Variants in FBXL17 observed in about 807,000 individuals in gnomAD.
FBXL17 encodes the protein F-box and leucine rich repeat protein 17.
In FBXL17, 22 loss-of-function variants were observed where a neutral mutation model predicts 66.2. That is an observed-to-expected ratio of 0.33 (90% CI 0.24 to 0.47). The LOEUF (loss-of-function observed/expected upper bound fraction) is 0.47, where lower values mean the gene tolerates loss of function less well. Ranked by LOEUF, FBXL17 falls within the 20% of genes least tolerant of loss-of-function variation. FBXL17 has a pLI of 1.00. For synonymous variants in FBXL17, 474 were observed against 400.5 expected, an observed-to-expected ratio of 1.18 and a Z score of -2.19; for missense variants, 878 against 948.2, an observed-to-expected ratio of 0.93 and a Z score of 0.97.
At chr5:108,294,690 AAAGGT>A (rs1231218620) in intron 4 of FBXL17, among the ~76,000 whole-genome samples, 1 of 152,148 alleles carries the variant, frequency 6.6e-6, no homozygotes, top group East Asian at 1.9e-4. Flanking sequence ...CAAACTGCAT[AAAGGT>A]AAGTCTTTAC....
Position 108,335,733 on chromosome 5 carries a change from T to C in FBXL17, c.1506+12666A>G, listed in dbSNP as rs537876616. 2.8e-4 allele frequency among the ~76,000 whole-genome samples: 42 copies of C among 152,294 alleles called. No homozygotes were observed. The South Asian group carries it at 6.2e-3, about 23-fold the overall frequency. On this transcript the variant is annotated intron_variant, in intron 4 of 8. Coordinates refer to ENST00000542267, the MANE Select transcript of FBXL17 (RefSeq NM_001163315.3). ...CTGATCAGCAATTAGCATAATTATA[T>C]TCTTAAAAAAACCCTGTTTTTGACT...
chr5:107,873,761 A>G (rs1253441024), intron 8 of FBXL17, among the ~76,000 whole-genome samples: 1 of 152,218 alleles, frequency 6.6e-6, no homozygotes, highest in Non-Finnish European at 1.5e-5. Context: ...TAATTCTCTC[A>G]TATAATTACT....
chr5:108,304,748 T>C (rs774137299), intron 4 of FBXL17, among the ~76,000 whole-genome samples: 2 of 151,992 alleles, frequency 1.3e-5, no homozygotes, highest in Admixed American at 1.3e-4. Context: ...CCTCATTTGG[T>C]ATTTCTACCC....
chr5:107,943,288 T>C (rs1468209716), intron 7 of FBXL17, among the ~76,000 whole-genome samples: 1 of 152,096 alleles, frequency 6.6e-6, no homozygotes, highest in Non-Finnish European at 1.5e-5. Flanking sequence ...TACATCCTGT[T>C]TTCTTAGCTC....
intron 6 of FBXL17, among the ~76,000 whole-genome samples, chr5:108,045,838 T>G (rs1363913416): frequency 2.0e-5 from 3 of 152,226 alleles, no homozygotes; most frequent in African/African-American, 7.2e-5. Context: ...ATCCATATGA[T>G]TTTAATTCTT....
intron 4 of FBXL17, among the ~76,000 whole-genome samples, chr5:108,230,764 A>G (rs1755300427): frequency 6.7e-6 from 1 of 149,410 alleles, no homozygotes; most frequent in South Asian, 2.2e-4. Flanking sequence ...AGGCATAAGA[A>G]TGATAGAATG....
intron 7 of FBXL17, among the ~76,000 whole-genome samples, chr5:108,002,268 C>G (rs367761317): frequency 6.7e-6 from 1 of 149,620 alleles, no homozygotes; most frequent in Non-Finnish European, 1.5e-5. Flanking sequence ...AGGTGTTCCA[C>G]CCACCTCGGC....
intron 6 of FBXL17, among the ~76,000 whole-genome samples, chr5:108,136,491 C>T (rs1001750196): frequency 2.0e-5 from 3 of 152,090 alleles, no homozygotes; most frequent in Non-Finnish European, 2.9e-5. Flanking sequence ...GATGTAAGAA[C>T]TAGTTTTTCT....
At chr5:107,872,800 G>C (rs1179623228) in intron 8 of FBXL17, among the ~76,000 whole-genome samples, 2 of 152,226 alleles carry the variant, frequency 1.3e-5, no homozygotes, top group Non-Finnish European at 2.9e-5. Context: ...CTCAATGTGA[G>C]ACAGATGCTA....
chr5:107,917,218 C>A (rs186261139), intron 7 of FBXL17, among the ~76,000 whole-genome samples: 1 of 152,086 alleles, frequency 6.6e-6, no homozygotes, highest in African/African-American at 2.4e-5. Context: ...GTGGGAGAAG[C>A]CTTCTTTATT....
chr5:108,237,849 C>G (rs1180507773), intron 4 of FBXL17, among the ~76,000 whole-genome samples: 4 of 152,132 alleles, frequency 2.6e-5, no homozygotes, highest in Non-Finnish European at 4.4e-5. Flanking sequence ...TGATGCTCTA[C>G]AGAGTACATA....
At chr5:107,890,119 C>T (rs1174583465) in intron 7 of FBXL17, among the ~76,000 whole-genome samples, 1 of 152,090 alleles carries the variant, frequency 6.6e-6, no homozygotes, top group Non-Finnish European at 1.5e-5. Flanking sequence ...TTTTTTATTC[C>T]AGCCTGCATA....
chr5:108,251,622 A>C (rs922786279), intron 4 of FBXL17, among the ~76,000 whole-genome samples: 1 of 152,208 alleles, frequency 6.6e-6, no homozygotes, highest in Non-Finnish European at 1.5e-5. Flanking sequence ...AGCAGGTTAC[A>C]AACAGAAGAA....
intron 4 of FBXL17, among the ~76,000 whole-genome samples, chr5:108,274,902 TA>T (rs1009004454): frequency 1.3e-5 from 2 of 152,176 alleles, no homozygotes; most frequent in African/African-American, 4.8e-5. Context: ...ACCCCAAGTG[TA>T]AGTACAATTA....
At position 108,381,519 on chromosome 5, in the gene FBXL17, G is replaced by C; in HGVS notation, c.173C>G (p.Pro58Arg). ...GTGCACGATGAAGCAGAGCATGCAG[G>C]GCCCGCGGAAGAAGCAGTCCCGGCT... ...PRSRDCFFRGPCMLCFIVHSP... is the reference protein window; with the variant it reads ...PRSRDCFFRGRCMLCFIVHSP... Residue 58 changes from proline (P) to arginine (R), a missense_variant, in exon 1 of 9, where the codon CCC (proline) becomes CGC (arginine). Physicochemically the swap from Pro to Arg is moderately radical, Grantham distance 103. This residue lies in a region of FBXL17 where 605 missense variants were observed against 509.5 expected (regional missense o/e 1.19). Coordinates refer to ENST00000542267, the MANE Select transcript of FBXL17 (RefSeq NM_001163315.3). 1 of 1,412,366 alleles carries C rather than the reference G, an allele frequency of 7.1e-7. No homozygotes were observed. The highest frequency in any genetic ancestry group is 9.2e-7 in the Non-Finnish European group (1 of 1,092,750). 87.5% of individuals were successfully genotyped at this position (1,412,366 alleles called of 1,614,324 possible).
intron 4 of FBXL17, among the ~76,000 whole-genome samples, chr5:108,235,876 A>G (rs530409167): frequency 9.2e-5 from 14 of 152,244 alleles, no homozygotes; most frequent in Non-Finnish European, 2.1e-4. Flanking sequence ...TGCTGGTTCA[A>G]TACTGAAGAA....
At chr5:108,247,457 C>A (rs1420175362) in intron 4 of FBXL17, among the ~76,000 whole-genome samples, 1 of 152,036 alleles carries the variant, frequency 6.6e-6, no homozygotes, top group Non-Finnish European at 1.5e-5. Context: ...CATTATTTAA[C>A]CTTCTGTATC....
Position 108,380,947 on chromosome 5 carries a change from G to T in FBXL17, c.745C>A (p.Gln249Lys). The T allele has an allele frequency of 8.2e-7, 1 of 1,221,836 alleles. No homozygotes were observed. The highest frequency in any genetic ancestry group is 1.0e-6 in the Non-Finnish European group (1 of 980,026). 75.7% of individuals were successfully genotyped at this position (1,221,836 alleles called of 1,614,324 possible). ...PPRPPDAGCCQAPEQPPQPLC... is the reference protein window; with the variant it reads ...PPRPPDAGCCKAPEQPPQPLC... ...GGCTGCGGGGGCTGCTCCGGGGCCT[G>T]GCAGCAGCCGGCGTCGGGGGGCCGG... Residue 249 changes from glutamine to lysine, a missense_variant, in exon 1 of 9, where the codon CAG becomes AAG. Around this residue, in one of 4 missense-constraint regions of FBXL17, gnomAD observed 605 missense variants for 509.5 expected, o/e 1.19. Coordinates refer to ENST00000542267, the MANE Select transcript of FBXL17 (RefSeq NM_001163315.3).
intron 5 of FBXL17, among the ~76,000 whole-genome samples, chr5:108,204,486 TA>T (rs1209097396): frequency 6.6e-6 from 1 of 152,020 alleles, no homozygotes; most frequent in African/African-American, 2.4e-5. Flanking sequence ...ACACCCACCC[TA>T]AAAAAAGGTC....
Sources: gnomAD v4.1 joint callset for allele counts (sites outside exome capture counted in the v4.1 genomes callset) on GRCh38, gnomAD v4.1.1 for gene constraint, gnomAD v4.1.1 regional missense constraint, MANE v1.5 for transcripts, NCBI Gene and HGNC (gene_info 2026-07-23, HGNC 2026-07-21) for gene names.